USP32: variants seen among roughly 807,000 people sequenced by gnomAD.
The protein encoded by USP32 is ubiquitin carboxyl-terminal hydrolase 32.
Under a neutral mutation model 204.8 loss-of-function variants are expected in USP32, and 59 were observed. That is an observed-to-expected ratio of 0.29 (90% CI 0.23 to 0.36). The LOEUF is 0.36. USP32 is among the 10% of genes least tolerant of loss of function. USP32 has a pLI of 1.00. For missense variants in USP32, 1,160 were observed against 1,946.4 expected, an observed-to-expected ratio of 0.60 and a Z score of 7.60; for synonymous variants, 517 against 678.4, an observed-to-expected ratio of 0.76 and a Z score of 3.70.
intron 9 of USP32, among the ~76,000 whole-genome samples, chr17:60,257,339 G>A (rs1051834578): frequency 1.3e-5 from 2 of 152,112 alleles, no homozygotes; most frequent in Admixed American, 1.3e-4. Context: ...TGTGCCAATT[G>A]GGGGGAGTCA....
intron 2 of USP32, among the ~76,000 whole-genome samples, chr17:60,318,628 C>G (rs1356164833): frequency 6.6e-6 from 1 of 152,174 alleles, no homozygotes; most frequent in African/African-American, 2.4e-5. Context: ...ACCCCCACCT[C>G]CAAACCCAGA....
intron 12 of USP32, among the ~76,000 whole-genome samples, chr17:60,234,202 C>T (rs993220899): frequency 2.0e-5 from 3 of 151,580 alleles, no homozygotes; most frequent in Non-Finnish European, 4.4e-5. Context: ...CAAGCTCCGC[C>T]TCCCGGGTTC....
intron 4 of USP32, among the ~76,000 whole-genome samples, chr17:60,289,164 C>A (rs191057733): frequency 6.6e-6 from 1 of 152,106 alleles, no homozygotes; most frequent in Non-Finnish European, 1.5e-5. Flanking sequence ...CCCACCACCA[C>A]GCCCGGCTAA....
At chr17:60,325,495 A>G (rs2088211506) in intron 2 of USP32, among the ~76,000 whole-genome samples, 1 of 152,226 alleles carries the variant, frequency 6.6e-6, no homozygotes, top group Admixed American at 6.5e-5. Context: ...ACATAGTCAT[A>G]ATATTGTAAA....
chr17:60,344,411 A>C (rs2088735362), intron 2 of USP32, among the ~76,000 whole-genome samples: 1 of 152,116 alleles, frequency 6.6e-6, no homozygotes, highest in South Asian at 2.1e-4. Flanking sequence ...TACAGGTGTG[A>C]GACACCTTGC....
At chr17:60,399,007 C>A (rs972914978) in intron 1 of USP32, among the ~76,000 whole-genome samples, 1 of 151,838 alleles carries the variant, frequency 6.6e-6, no homozygotes, top group Non-Finnish European at 1.5e-5. Flanking sequence ...AAAGAAAAAT[C>A]TCTAGAAAGT....
chr17:60,242,005 G>A (rs1398451671), intron 11 of USP32, among the ~76,000 whole-genome samples: 1 of 152,186 alleles, frequency 6.6e-6, no homozygotes, highest in East Asian at 1.9e-4. Context: ...TAGCTCTGAT[G>A]TTTAGGTATA....
chr17:60,392,610 G>T (rs184477134), upstream of USP32: 20 of 451,272 alleles, frequency 4.4e-5, no homozygotes, highest in Admixed American at 4.3e-4. Context: ...GGTTCTGAGG[G>T]ATGCGGCATA....
chr17:60,188,491 TA>T (rs35953015), intron 29 of USP32, among the ~76,000 whole-genome samples: 2 of 152,222 alleles, frequency 1.3e-5, no homozygotes. Flanking sequence ...TCTTGTTTTT[TA>T]AAAAATGTTC....
chr17:60,236,420 G>C (rs2085727196), intron 11 of USP32, among the ~76,000 whole-genome samples, 180 bp from the exon 12 acceptor site: 1 of 152,020 alleles, frequency 6.6e-6, no homozygotes, highest in Non-Finnish European at 1.5e-5. Flanking sequence ...AATTTCAAGA[G>C]TCATAGGGCA....
Position 60,214,612 on chromosome 17 carries a change from C to T in USP32, c.2022+8G>A. The T allele has an allele frequency of 6.2e-7, 1 of 1,612,384 alleles. No homozygotes were observed. Among genetic ancestry groups the T allele is most frequent in the Non-Finnish European group, 8.5e-7 (1 of 1,178,858 alleles). ...TCAGACTCTCTATGACTCTGAGATG[C>T]CTCTTACCTCACTGTTGTATAGCCA... On this transcript the variant is annotated splice_region_variant and intron_variant, in intron 17 of 33. Transcript: ENST00000300896.
intron 24 of USP32, 150 bp downstream of exon 24, chr17:60,207,909 A>C (rs1185378458): frequency 1.4e-6 from 2 of 1,394,484 alleles, no homozygotes; most frequent in Non-Finnish European, 1.9e-6. Flanking sequence ...CTGGGTTGGA[A>C]AACTTGGCAT....
At chr17:60,250,971 C>T (rs1468150027) in intron 11 of USP32, among the ~76,000 whole-genome samples, 4 of 149,078 alleles carry the variant, frequency 2.7e-5, no homozygotes, top group Non-Finnish European at 5.9e-5. Context: ...TTGAGAGAGT[C>T]TCACATTGTC....
intron 4 of USP32, among the ~76,000 whole-genome samples, chr17:60,293,401 A>G (rs892978082): frequency 1.3e-5 from 2 of 152,188 alleles, no homozygotes; most frequent in Admixed American, 6.5e-5. Flanking sequence ...TTTTTTTCTT[A>G]CAAGCAAATT....
chr17:60,188,248 T>A (rs1184987494), intron 29 of USP32, among the ~76,000 whole-genome samples: 7 of 152,188 alleles, frequency 4.6e-5, no homozygotes. Flanking sequence ...AGGAGAGAAA[T>A]GTAAAGGATA....
At chr17:60,331,509 T>C (rs1004419740) in intron 2 of USP32, among the ~76,000 whole-genome samples, 4 of 150,010 alleles carry the variant, frequency 2.7e-5, no homozygotes, top group Non-Finnish European at 5.9e-5. Context: ...AATGCTGCAG[T>C]GAGCTGTGAT....
At chr17:60,276,946 C>CATATATATATATATATATATATAT (rs35211470) in intron 5 of USP32, among the ~76,000 whole-genome samples, 116 of 140,702 alleles carry the variant, frequency 8.2e-4, no homozygotes, top group African/African-American at 3.1e-3. Flanking sequence ...ATTACATATA[C>CATATATATATATATATATATATAT]ATATATATAT....
chr17:60,304,064 CAG>C (rs1238665234), intron 2 of USP32, among the ~76,000 whole-genome samples: 6 of 152,038 alleles, frequency 3.9e-5, no homozygotes, highest in African/African-American at 1.4e-4. Flanking sequence ...TTAAGAAGTT[CAG>C]AGAACAAGCA....
Position 60,345,496 on chromosome 17 carries a change from AG to A in USP32, c.170del (p.Pro57LeufsTer7). 6.2e-7 allele frequency: 1 copy of A among 1,614,118 alleles called. No individual in the cohort carries two copies. Among genetic ancestry groups the A allele is most frequent in the South Asian group, 1.1e-5 (1 of 91,078 alleles). The stretch of plus-strand genomic sequence containing the variant: ...AAAAGATTACCTCAGCAACCTTTGG[AG>A]GCACTCCATCCCCAAGCACTTCCCG... Reference protein sequence around the residue: ...FIREVLGDGVPPKVAEVIYCS... With the variant: ...FIREVLGDGVXPKVAEVIYCS... On this transcript the variant is annotated frameshift_variant, in exon 2 of 34. Transcript: ENST00000300896. LOFTEE classifies it high-confidence loss of function.
Sources: gnomAD v4.1 joint callset for allele counts (sites outside exome capture counted in the v4.1 genomes callset) on GRCh38, gnomAD v4.1.1 for gene constraint, MANE v1.5 for transcripts, NCBI Gene and HGNC (gene_info 2026-07-23, HGNC 2026-07-21) for gene names.